APBB1IP: variants seen among roughly 807,000 people sequenced by gnomAD.
The protein encoded by APBB1IP is amyloid beta A4 precursor protein-binding family B member 1-interacting protein.
APBB1IP carries 27 observed loss-of-function variants against 64.9 expected under a neutral mutation model. The observed-to-expected ratio is 0.42, with a 90% CI of 0.31 to 0.57. The LOEUF (loss-of-function observed/expected upper bound fraction) is 0.57, where lower values mean the gene tolerates loss of function less well. Among genes scored for constraint, APBB1IP ranks in the 20% least tolerant of loss-of-function variants. APBB1IP has a pLI of 0.20. For missense variants in APBB1IP, 812 were observed against 845.5 expected (o/e 0.96, Z 0.49); for synonymous variants, 392 against 331.0 (o/e 1.18, Z -2.00).
intron 6 of APBB1IP, among the ~76,000 whole-genome samples, chr10:26,508,713 T>C (rs1836215348): frequency 2.0e-5 from 3 of 152,174 alleles, no homozygotes. Context: ...TAATTTCTTC[T>C]TGCTAAACAT....
intron 2 of APBB1IP, among the ~76,000 whole-genome samples, chr10:26,472,071 C>G (rs956619621): frequency 1.3e-5 from 2 of 152,048 alleles, no homozygotes; most frequent in African/African-American, 4.8e-5. Context: ...GTGACAGATG[C>G]AGAACGTTGA....
intron 2 of APBB1IP, among the ~76,000 whole-genome samples, chr10:26,471,811 A>G (rs703000): frequency 0.12 from 17,792 of 152,000 alleles, 1,724 homozygotes; most frequent in African/African-American, 0.27. Flanking sequence ...GAGCCTCCCA[A>G]ATAGCTAGGA....
intron 2 of APBB1IP, among the ~76,000 whole-genome samples, chr10:26,483,980 A>G (rs1474291402): frequency 2.6e-5 from 4 of 152,170 alleles, no homozygotes; most frequent in African/African-American, 7.2e-5. Flanking sequence ...TGTTATTGGT[A>G]TTAGTATCTT....
intron 2 of APBB1IP, among the ~76,000 whole-genome samples, chr10:26,486,015 A>G (rs1293070736): frequency 2.6e-5 from 4 of 152,308 alleles, no homozygotes; most frequent in African/African-American, 9.6e-5. Context: ...GGATCACTTG[A>G]GCCCAGGAGT....
intron 2 of APBB1IP, among the ~76,000 whole-genome samples, chr10:26,447,623 A>G (rs1835416322): frequency 6.6e-6 from 1 of 152,220 alleles, no homozygotes; most frequent in African/African-American, 2.4e-5. Flanking sequence ...ACAGAACTGT[A>G]GCACTCTGGA....
chr10:26,501,019 A>T lies in APBB1IP; in HGVS notation c.361A>T (p.Ile121Phe). 6.2e-7 allele frequency: 1 copy of T among 1,614,180 alleles called. No homozygotes were observed. Among genetic ancestry groups the T allele is most frequent in the African/African-American group, 1.3e-5 (1 of 75,052 alleles). Residue 121 changes from isoleucine to phenylalanine, a missense_variant, in exon 5 of 15, where the codon ATC (isoleucine) becomes TTC (phenylalanine). This residue lies in a region of APBB1IP where 394 missense variants were observed against 413.1 expected (regional missense o/e 0.95). Transcript: ENST00000376236. The part of the protein sequence containing the change: ...GYGTNVAATG[I>F]SQYEDDLPPP... Reference sequence around the variant, plus strand: ...TGGAACAAATGTTGCTGCCACTGGTATCAGCCAATATGAGGATGACTTACC... The same window carrying T: ...TGGAACAAATGTTGCTGCCACTGGTTTCAGCCAATATGAGGATGACTTACC...
chr10:26,449,537 T>A (rs1015686269), intron 2 of APBB1IP, among the ~76,000 whole-genome samples: 1 of 152,210 alleles, frequency 6.6e-6, no homozygotes, highest in Non-Finnish European at 1.5e-5. Context: ...GTTTTGTGTG[T>A]GTGTCTGTGT....
At chr10:26,539,458 G>A in intron 10 of APBB1IP, among the ~76,000 whole-genome samples, 2 of 149,382 alleles carry the variant, frequency 1.3e-5, no homozygotes, top group Non-Finnish European at 3.0e-5. Flanking sequence ...AAGGAAGAAA[G>A]GAAGAAAGGA....
intron 6 of APBB1IP, among the ~76,000 whole-genome samples, chr10:26,504,984 A>C (rs1467002311): frequency 6.6e-6 from 1 of 152,042 alleles, no homozygotes; most frequent in Non-Finnish European, 1.5e-5. Context: ...TCGGACTCCT[A>C]GGCTCAAGCG....
chr10:26,566,859 C>A, intron 14 of APBB1IP, 102 bp from the exon 15 acceptor site: 1 of 1,335,282 alleles, frequency 7.5e-7, no homozygotes, highest in Non-Finnish European at 9.9e-7. Context: ...CTGCACTCAG[C>A]CTGGGCGACA....
chr10:26,554,422 G>T (rs1394802319), intron 11 of APBB1IP, among the ~76,000 whole-genome samples: 1 of 152,250 alleles, frequency 6.6e-6, no homozygotes, highest in African/African-American at 2.4e-5. Context: ...GCTCCCAGCA[G>T]TGCTGGCATT....
intron 8 of APBB1IP, among the ~76,000 whole-genome samples, chr10:26,529,140 CTCATTTCCCATTTTAAAGTTCCTTTATTA>C (rs1404988921): frequency 1.1e-4 from 17 of 152,350 alleles, no homozygotes; most frequent in African/African-American, 4.1e-4. Context: ...GACCAAGAGT[CTCATTTCCCATTTTAAAGTTCCTTTATTA>C]TTCGACTCAG....
intron 2 of APBB1IP, among the ~76,000 whole-genome samples, chr10:26,487,779 G>A (rs918364843): frequency 3.3e-5 from 5 of 152,272 alleles, no homozygotes; most frequent in East Asian, 1.9e-4. Context: ...CTGACTCATC[G>A]ATGTCACATT....
intron 10 of APBB1IP, among the ~76,000 whole-genome samples, chr10:26,540,762 C>T (rs776954282): frequency 6.6e-6 from 1 of 152,140 alleles, no homozygotes; most frequent in Non-Finnish European, 1.5e-5. Context: ...TTACAGGCTG[C>T]AGTCTTCACA....
At chr10:26,533,569 G>A in intron 9 of APBB1IP, 44 bp downstream of exon 9, 1 of 1,336,552 alleles carries the variant, frequency 7.5e-7, no homozygotes, top group Non-Finnish European at 1.0e-6. Flanking sequence ...AAGGACGTTT[G>A]CTCTATTTTT....
rs567246361 is a variant in APBB1IP, at chr10:26,525,880, G to C, written c.814-7559G>C. On this transcript the variant is annotated intron_variant, in intron 8 of 14. Coordinates refer to ENST00000376236, the MANE Select transcript of APBB1IP (RefSeq NM_019043.4). ...AATAAACTGAGGGAAACTTGGCAAG[G>C]CCTGTTCCAATTCTTCTCTGGGTCC... Among the ~76,000 whole-genome samples, 10 of 152,268 alleles carry C rather than the reference G, an allele frequency of 6.6e-5. No individual in the cohort carries two copies. The East Asian group carries it at 7.7e-4, about 12-fold the overall frequency.
rs1468616201 is a variant in APBB1IP, at chr10:26,513,640, G to A, written c.793G>A (p.Ala265Thr). The A allele has an allele frequency of 6.2e-7, 1 of 1,612,428 alleles. No homozygotes were observed. The highest frequency in any genetic ancestry group is 1.1e-5 in the South Asian group (1 of 90,564). Residue 265 changes from alanine to threonine, a missense_variant, in exon 8 of 15, where the codon GCT becomes ACT. This residue lies in a region of APBB1IP where 394 missense variants were observed against 413.1 expected (regional missense o/e 0.95). Transcript: ENST00000376236. ...ILFLEKEEKY[A>T]VFKNPQNFYL... ...ATTTTTGGAGAAAGAGGAGAAATATGCTGTATTTAAAAACCCCCAGGTAAG... is the reference window on the plus strand; with the variant it reads ...ATTTTTGGAGAAAGAGGAGAAATATACTGTATTTAAAAACCCCCAGGTAAG...
At chr10:26,482,264 T>G (rs1183359475) in intron 2 of APBB1IP, among the ~76,000 whole-genome samples, 1 of 152,228 alleles carries the variant, frequency 6.6e-6, no homozygotes, top group East Asian at 1.9e-4. Flanking sequence ...AGTGAATTAT[T>G]TGATATAATC....
intron 2 of APBB1IP, among the ~76,000 whole-genome samples, chr10:26,473,999 CAAAAAAAAAAAAA>C (rs35712977): frequency 8.9e-4 from 60 of 67,360 alleles, no homozygotes; most frequent in Admixed American, 1.7e-3. Context: ...CACCCTGTCT[CAAAAAAAAAAAAA>C]AAAAAAAAAA....
Sources: gnomAD v4.1 joint callset for allele counts (sites outside exome capture counted in the v4.1 genomes callset) on GRCh38, gnomAD v4.1.1 for gene constraint, gnomAD v4.1.1 regional missense constraint, MANE v1.5 for transcripts, NCBI Gene and HGNC (gene_info 2026-07-23, HGNC 2026-07-21) for gene names.